Variants in LINGO2 observed in about 807,000 individuals in gnomAD.
The protein encoded by LINGO2 is leucine rich repeat and Ig domain containing 2.
Under a neutral mutation model 30.6 loss-of-function variants are expected in LINGO2, and 14 were observed. The observed-to-expected ratio is 0.46, with a 90% CI of 0.30 to 0.72. The LOEUF (loss-of-function observed/expected upper bound fraction) is 0.72, where lower values mean the gene tolerates loss of function less well. Among genes scored for constraint, LINGO2 ranks in the 30% least tolerant of loss-of-function variants. The probability of loss-of-function intolerance (pLI) is 0.07; values close to 1 mark genes in which losing one functional copy is unlikely to be tolerated. For missense variants in LINGO2, 729 were observed against 751.7 expected (o/e 0.97, Z 0.35); for synonymous variants, 317 against 288.5 (o/e 1.10, Z -1.00).
chr9:28,490,466 T>C lies in LINGO2; in HGVS notation c.-364-14441A>G, dbSNP rs565636699. Among the ~76,000 whole-genome samples the C allele has an allele frequency of 3.9e-5, 6 of 152,098 alleles. No individual in the cohort carries two copies. In the East Asian group the frequency reaches 7.7e-4, roughly 20 times the overall value. On this transcript the variant is annotated intron_variant, in intron 1 of 5. Transcript: ENST00000379992. Reference sequence around the variant, plus strand: ...AACTTCCCAGGTAAATCTCATAGAGTGGGAGTTTTGTGAGCAACTGGGTTA... The same window carrying C: ...AACTTCCCAGGTAAATCTCATAGAGCGGGAGTTTTGTGAGCAACTGGGTTA...
chr9:28,564,673 A>G (rs1439835650), intron 1 of LINGO2, among the ~76,000 whole-genome samples: 3 of 152,148 alleles, frequency 2.0e-5, no homozygotes, highest in Admixed American at 2.0e-4. Context: ...GTGCTTTTCA[A>G]GAATTTTCTT....
intron 5 of LINGO2, among the ~76,000 whole-genome samples, chr9:27,996,647 A>T (rs1463550632): frequency 1.3e-5 from 2 of 152,198 alleles, no homozygotes; most frequent in Admixed American, 6.5e-5. Context: ...GGGTTAGTTA[A>T]TGGGTAATAC....
At chr9:28,946,075 A>T in the LINGO2 span, among the ~76,000 whole-genome samples, 1 of 152,196 alleles carries the variant, frequency 6.6e-6, no homozygotes, top group African/African-American at 2.4e-5. Context: ...TATAGCTAAT[A>T]TGAAAGATCA....
chr9:29,009,228 AAG>A, the LINGO2 span, among the ~76,000 whole-genome samples: 6 of 152,154 alleles, frequency 3.9e-5, no homozygotes, highest in Non-Finnish European at 8.8e-5. Flanking sequence ...CAGTTAGAAA[AAG>A]AGGAAGTCAA....
At chr9:29,039,036 T>G in the LINGO2 span, among the ~76,000 whole-genome samples, 1 of 152,114 alleles carries the variant, frequency 6.6e-6, no homozygotes, top group African/African-American at 2.4e-5. Context: ...ATTGAGTGTA[T>G]TATAGACTGT....
chr9:28,953,897 G>A, the LINGO2 span, among the ~76,000 whole-genome samples: 3 of 152,098 alleles, frequency 2.0e-5, 1 homozygote, highest in South Asian at 6.2e-4. Flanking sequence ...CTTTATCTAT[G>A]ACTGCTTGAT....
rs888784453 is a variant in LINGO2 at position 28,554,292 on chromosome 9, G to C, written c.-364-78267C>G. ...AGACACACATAGGCTCAAAATAAAA[G>C]GATGGAGGAAGATCTACCAAGCCAA... On this transcript the variant is annotated intron_variant, in intron 1 of 5. Coordinates refer to ENST00000379992, the Ensembl canonical transcript of LINGO2. Among the ~76,000 whole-genome samples the C allele has an allele frequency of 4.0e-4, 60 of 150,590 alleles. 1 individual carries two copies. The highest frequency in any genetic ancestry group is 1.4e-3 in the African/African-American group (59 of 40,794).
the LINGO2 span, among the ~76,000 whole-genome samples, chr9:28,858,528 C>G: frequency 6.6e-6 from 1 of 152,002 alleles, no homozygotes; most frequent in African/African-American, 2.4e-5. Context: ...CTGCTAGTCA[C>G]CAAAGGTCTC....
chr9:28,610,315 GT>G (rs1190327984), intron 1 of LINGO2, among the ~76,000 whole-genome samples: 2 of 141,372 alleles, frequency 1.4e-5, no homozygotes, highest in African/African-American at 5.5e-5. Flanking sequence ...GCAAGAGCAA[GT>G]TTTTCTGTGT....
intron 4 of LINGO2, among the ~76,000 whole-genome samples, chr9:28,286,050 C>T (rs1285787238): frequency 6.6e-6 from 1 of 152,148 alleles, no homozygotes; most frequent in Non-Finnish European, 1.5e-5. Context: ...TTTCTTGTCC[C>T]TTTATTTCAG....
the LINGO2 span, among the ~76,000 whole-genome samples, chr9:28,876,330 A>T: frequency 6.6e-6 from 1 of 151,994 alleles, no homozygotes; most frequent in African/African-American, 2.4e-5. Context: ...TACATGTGCC[A>T]TGCTGGTGTG....
chr9:28,470,472 G>A (rs1024911288), intron 2 of LINGO2, among the ~76,000 whole-genome samples: 1 of 152,108 alleles, frequency 6.6e-6, no homozygotes, highest in Non-Finnish European at 1.5e-5. Flanking sequence ...AAATGACTGG[G>A]AAAGTGATGG....
At chr9:28,494,725 A>G (rs1187698410) in intron 1 of LINGO2, among the ~76,000 whole-genome samples, 2 of 152,224 alleles carry the variant, frequency 1.3e-5, no homozygotes, top group Admixed American at 1.3e-4. Flanking sequence ...TCCTTTGGGT[A>G]TATACCCAGT....
chr9:29,013,932 T>C, the LINGO2 span, among the ~76,000 whole-genome samples: 1 of 152,156 alleles, frequency 6.6e-6, no homozygotes, highest in African/African-American at 2.4e-5. Context: ...CTCTCCTTTA[T>C]AATCTCCTCA....
At chr9:28,050,851 A>T (rs1367512042) in intron 4 of LINGO2, among the ~76,000 whole-genome samples, 1 of 150,994 alleles carries the variant, frequency 6.6e-6, no homozygotes, top group Non-Finnish European at 1.5e-5. Flanking sequence ...CAAATGTTCA[A>T]TTTGGTGATT....
chr9:28,460,388 A>G (rs1825029983), intron 2 of LINGO2, among the ~76,000 whole-genome samples: 1 of 152,174 alleles, frequency 6.6e-6, no homozygotes, highest in Non-Finnish European at 1.5e-5. Context: ...ACTATCTGAG[A>G]ACTATTAGCA....
At chr9:27,996,039 C>T (rs1265758259) in intron 5 of LINGO2, among the ~76,000 whole-genome samples, 2 of 152,024 alleles carry the variant, frequency 1.3e-5, no homozygotes, top group Admixed American at 6.6e-5. Context: ...AAAAAAAATG[C>T]TCACCATCAT....
At chr9:28,044,825 G>A (rs1326043221) in intron 4 of LINGO2, among the ~76,000 whole-genome samples, 1 of 152,094 alleles carries the variant, frequency 6.6e-6, no homozygotes, top group East Asian at 1.9e-4. Context: ...CTTTTCCGTA[G>A]GTTGAAGAGA....
chr9:29,100,042 A>T, the LINGO2 span, among the ~76,000 whole-genome samples: 1 of 152,222 alleles, frequency 6.6e-6, no homozygotes, highest in Non-Finnish European at 1.5e-5. Context: ...AATACTATTC[A>T]GCCATAAAAA....
Sources: gnomAD v4.1 joint callset for allele counts (sites outside exome capture counted in the v4.1 genomes callset) on GRCh38, gnomAD v4.1.1 for gene constraint, MANE v1.5 for transcripts, NCBI Gene and HGNC (gene_info 2026-07-23, HGNC 2026-07-21) for gene names.